Variants in LPGAT1 observed in about 807,000 individuals in gnomAD.
LPGAT1 encodes the protein lysophosphatidylglycerol acyltransferase 1.
A neutral mutation model predicts 47.5 loss-of-function variants in LPGAT1; 11 were observed. The observed-to-expected ratio is 0.23, with a 90% CI of 0.15 to 0.38. LPGAT1 has a LOEUF of 0.38. LPGAT1 is among the 10% of genes least tolerant of loss of function. The pLI is 1.00. For synonymous variants in LPGAT1, 138 were observed against 144.2 expected, an observed-to-expected ratio of 0.96 and a Z score of 0.31; for missense variants, 293 against 439.0, an observed-to-expected ratio of 0.67 and a Z score of 2.97.
intron 2 of LPGAT1, among the ~76,000 whole-genome samples, chr1:211,801,116 G>A (rs1659555658): frequency 6.6e-6 from 1 of 152,124 alleles, no homozygotes. Context: ...CAGTTGAAGG[G>A]GATGAGAAAA....
intron 1 of LPGAT1, 111 bp from the exon 2 acceptor site, chr1:211,829,434 T>C: frequency 6.7e-7 from 1 of 1,483,600 alleles, no homozygotes; most frequent in Non-Finnish European, 8.9e-7. Context: ...GGGTCGAAGC[T>C]TTCCGGGTGT....
chr1:211,827,724 T>C (rs1660580860), intron 2 of LPGAT1, among the ~76,000 whole-genome samples: 1 of 152,146 alleles, frequency 6.6e-6, no homozygotes, highest in African/African-American at 2.4e-5. Flanking sequence ...GTTTTTTCTC[T>C]ACCACTGCTA....
At chr1:211,770,672 C>T (rs1412954126) in intron 6 of LPGAT1, among the ~76,000 whole-genome samples, 2 of 152,122 alleles carry the variant, frequency 1.3e-5, no homozygotes, top group Non-Finnish European at 2.9e-5. Flanking sequence ...CCTATGTGTA[C>T]AGTGTTTATA....
chr1:211,756,920 C>A (rs1473555985), intron 6 of LPGAT1, among the ~76,000 whole-genome samples: 1 of 145,384 alleles, frequency 6.9e-6, no homozygotes, highest in Non-Finnish European at 1.5e-5. Flanking sequence ...TTTTTGGGCA[C>A]AATTAAAATA....
chr1:211,772,984 T>C (rs1658242346), intron 6 of LPGAT1, among the ~76,000 whole-genome samples: 1 of 152,184 alleles, frequency 6.6e-6, no homozygotes, highest in Non-Finnish European at 1.5e-5. Flanking sequence ...GTAATTTTTC[T>C]CATAAATAAC....
At chr1:211,819,729 A>C (rs565093266) in intron 2 of LPGAT1, among the ~76,000 whole-genome samples, 14 of 152,294 alleles carry the variant, frequency 9.2e-5, no homozygotes, top group Admixed American at 8.5e-4. Flanking sequence ...TCACGCCTGT[A>C]ATCCCAGCAC....
chr1:211,816,009 T>C (rs1352445921), intron 2 of LPGAT1, among the ~76,000 whole-genome samples: 1 of 152,010 alleles, frequency 6.6e-6, no homozygotes, highest in Non-Finnish European at 1.5e-5. Flanking sequence ...TCGCAATCTC[T>C]TGACATTGTG....
chr1:211,756,371 C>A (rs1571693677), intron 6 of LPGAT1, among the ~76,000 whole-genome samples: 1 of 152,324 alleles, frequency 6.6e-6, no homozygotes, highest in Non-Finnish European at 1.5e-5. Context: ...CACTCTGTCA[C>A]TCAGGCTGGA....
chr1:211,806,271 A>G (rs1571752163), intron 2 of LPGAT1, among the ~76,000 whole-genome samples: 1 of 152,130 alleles, frequency 6.6e-6, no homozygotes, highest in East Asian at 1.9e-4. Context: ...AAAAAAAAAA[A>G]AAAGAAAATC....
chr1:211,786,191 G>T (rs1028089149), intron 4 of LPGAT1, among the ~76,000 whole-genome samples: 1 of 152,156 alleles, frequency 6.6e-6, no homozygotes, highest in Non-Finnish European at 1.5e-5. Context: ...TCTCTGCTCA[G>T]AAGAACAAAG....
At chr1:211,792,971 A>G in intron 3 of LPGAT1, 101 bp downstream of exon 3, 6 of 713,216 alleles carry the variant, frequency 8.4e-6, no homozygotes, top group Non-Finnish European at 1.4e-5. Context: ...CAGCCTCCCA[A>G]AGTGCTGGGA....
At chr1:211,778,365 A>C (rs201163944) in intron 6 of LPGAT1, among the ~76,000 whole-genome samples, 3,206 of 149,852 alleles carry the variant, frequency 0.021, 136 homozygotes, top group South Asian at 0.099. Flanking sequence ...AAAAAAAAAA[A>C]AAAAAAAAAG....
chr1:211,783,555 C>A, intron 4 of LPGAT1, 53 bp from the exon 5 acceptor site: 2 of 1,469,614 alleles, frequency 1.4e-6, no homozygotes, highest in Non-Finnish European at 9.2e-7. Context: ...AATTAAAATG[C>A]CATAAAATTA....
rs1656860049 is a variant in LPGAT1, at chr1:211,744,383, G to A, written c.*5516C>T. On this transcript the variant is annotated 3_prime_UTR_variant, in exon 8 of 8. Coordinates refer to ENST00000366997, the MANE Select transcript of LPGAT1 (RefSeq NM_014873.3). Reference sequence around the variant, plus strand: ...AAGCTAAAAGTGGTTTCGGCTTAATGAGTCTAATATGTACCATGGTAAGAA... The same window carrying A: ...AAGCTAAAAGTGGTTTCGGCTTAATAAGTCTAATATGTACCATGGTAAGAA... The A allele has an allele frequency of 1.3e-5, 2 of 152,168 alleles. No individual in the cohort carries two copies. The highest frequency in any genetic ancestry group is 4.1e-4 in the South Asian group (2 of 4,822). The allele number at this position is 152,168 out of a possible 1,614,324, so 9.4% of individuals were successfully genotyped here. A position where few individuals can be genotyped will look rare whatever the true frequency, so the allele number is the denominator to read the frequency against.
In LPGAT1 at chr1:211,830,274, G is replaced by A. The variant is rs940286335; in HGVS notation, c.-28+299C>T. 5.9e-6 allele frequency: 6 copies of A among 1,016,278 alleles called. No individual in the cohort carries two copies. In the African/African-American group the frequency reaches 6.9e-5, roughly 12 times the overall value. 63.0% of individuals were successfully genotyped at this position (1,016,278 alleles called of 1,614,324 possible). On this transcript the variant is annotated intron_variant, in intron 1 of 7. Coordinates refer to ENST00000366997, the MANE Select transcript of LPGAT1 (RefSeq NM_014873.3). This position sits in a 1 kb window ranked among gnomAD's most constrained non-coding sequence, Gnocchi z 5.9. ...GGTCATGGACGCGGTGGCGGCCCAA[G>A]CGGCCCGAGGCGCTGCGCGAGCGGG...
chr1:211,794,107 C>T (rs1009344562), intron 2 of LPGAT1, among the ~76,000 whole-genome samples: 2 of 152,134 alleles, frequency 1.3e-5, no homozygotes, highest in Non-Finnish European at 2.9e-5. Flanking sequence ...TGGTTCCCAA[C>T]CCTTCAGATT....
At chr1:211,788,858 A>C (rs1196694513) in intron 3 of LPGAT1, among the ~76,000 whole-genome samples, 1 of 152,118 alleles carries the variant, frequency 6.6e-6, no homozygotes, top group Non-Finnish European at 1.5e-5. Context: ...CAGTAGATGT[A>C]AACATCATCT....
Position 211,759,187 on chromosome 1 carries a change from C to T in LPGAT1, c.855-8120G>A, listed in dbSNP as rs532729162. Among the ~76,000 whole-genome samples, 7 of 152,282 alleles carry T rather than the reference C, an allele frequency of 4.6e-5. No individual in the cohort carries two copies. The South Asian group carries it at 1.5e-3, about 32-fold the overall frequency. ...GGTTTTGGTGTCAATGTTATGCTATCCCGATAAAACAAGCTTAGGAAGTAT... is the reference window on the plus strand; with the variant it reads ...GGTTTTGGTGTCAATGTTATGCTATTCCGATAAAACAAGCTTAGGAAGTAT... On this transcript the variant is annotated intron_variant, in intron 6 of 7. Transcript: ENST00000366997.
chr1:211,829,493 G>C, intron 1 of LPGAT1, 170 bp from the exon 2 acceptor site: 1 of 1,431,990 alleles, frequency 7.0e-7, no homozygotes, highest in Non-Finnish European at 9.1e-7. Context: ...GACAGAGAGC[G>C]AGGGAGGAGG....
Sources: gnomAD v4.1 joint callset for allele counts (sites outside exome capture counted in the v4.1 genomes callset) on GRCh38, gnomAD v4.1.1 for gene constraint, Gnocchi (gnomAD v3.1) non-coding constraint, MANE v1.5 for transcripts, NCBI Gene and HGNC (gene_info 2026-07-23, HGNC 2026-07-21) for gene names.